Variants in CHKA observed in about 807,000 individuals in gnomAD.
CHKA encodes CHETK-alpha.
CHKA carries 34 observed loss-of-function variants against 60.1 expected under a neutral mutation model. The observed-to-expected ratio is 0.57, with a 90% confidence interval of 0.43 to 0.75. The LOEUF (loss-of-function observed/expected upper bound fraction) is 0.75. CHKA is among the 30% of genes least tolerant of loss of function. CHKA has a pLI of 0.00. For synonymous variants in CHKA, 217 were observed against 223.1 expected, an observed-to-expected ratio of 0.97 and a Z score of 0.24; for missense variants, 563 against 561.3, an observed-to-expected ratio of 1.00 and a Z score of -0.03.
chr11:68,115,262 G>A (rs1858338791), intron 1 of CHKA, among the ~76,000 whole-genome samples: 1 of 152,072 alleles, frequency 6.6e-6, no homozygotes, highest in South Asian at 2.1e-4. Context: ...GGTTTATCAG[G>A]GCATAACCCT....
chr11:68,059,212 A>G (rs1412232988), intron 11 of CHKA, among the ~76,000 whole-genome samples: 1 of 152,100 alleles, frequency 6.6e-6, no homozygotes, highest in Non-Finnish European at 1.5e-5. Context: ...GGTTTTTCAT[A>G]CATGCCTTTA....
chr11:68,076,723 C>A (rs955743542), intron 3 of CHKA, among the ~76,000 whole-genome samples: 1 of 152,134 alleles, frequency 6.6e-6, no homozygotes, highest in Admixed American at 6.5e-5. Context: ...GCATCGTCAA[C>A]ACATGTCACC....
At chr11:68,120,407 AAACT>A (rs929190829) in intron 1 of CHKA, among the ~76,000 whole-genome samples, 12 of 152,206 alleles carry the variant, frequency 7.9e-5, no homozygotes, top group African/African-American at 2.9e-4. Flanking sequence ...CGAACTCGAA[AAACT>A]AACAGAAAAA....
At chr11:68,111,360 C>T (rs1259286504) in intron 1 of CHKA, among the ~76,000 whole-genome samples, 2 of 150,844 alleles carry the variant, frequency 1.3e-5, no homozygotes, top group South Asian at 2.1e-4. Context: ...TGCAGTGAGC[C>T]GAGATCGTGC....
chr11:68,060,593 G>T (rs1856199457), intron 11 of CHKA, among the ~76,000 whole-genome samples: 1 of 152,224 alleles, frequency 6.6e-6, no homozygotes. Context: ...TTACAGGCGT[G>T]AGCCACTGCA....
Position 68,053,657 on chromosome 11 carries a change from GC to G in CHKA, c.*330del, listed in dbSNP as rs1161583946. The G allele has an allele frequency of 2.5e-5, 7 of 285,000 alleles. No individual in the cohort carries two copies. Among genetic ancestry groups the G allele is most frequent in the African/African-American group, 4.4e-5 (2 of 45,584 alleles). 17.7% of individuals were successfully genotyped at this position (285,000 alleles called of 1,614,324 possible). A position where few individuals can be genotyped will look rare whatever the true frequency, so the allele number is the denominator to read the frequency against. ...AACCAAAGTACCTGCAAGTAACACT[GC>G]TTACTCTTGCTGTTTGCCTCATCTG... On this transcript the variant is annotated 3_prime_UTR_variant, in exon 12 of 12. Transcript: ENST00000265689.
intron 3 of CHKA, among the ~76,000 whole-genome samples, chr11:68,076,208 T>C (rs1184796972): frequency 1.3e-5 from 2 of 152,200 alleles, no homozygotes; most frequent in African/African-American, 4.8e-5. Context: ...AGGCTCAATC[T>C]TTCCTAATTT....
At chr11:68,093,345 C>T (rs1053349172) in intron 2 of CHKA, among the ~76,000 whole-genome samples, 1 of 152,126 alleles carries the variant, frequency 6.6e-6, no homozygotes, top group South Asian at 2.1e-4. Context: ...TGGTTTCTAC[C>T]TTACATCAGT....
In CHKA at chr11:68,120,830, G is replaced by A. The variant is rs1236196276; in HGVS notation, c.348C>T (p.Ile116=). 4 of 1,289,638 alleles carry A rather than the reference G, an allele frequency of 3.1e-6. No homozygotes were observed. The highest frequency in any genetic ancestry group is 4.2e-5 in the East Asian group (1 of 23,828). The allele number at this position is 1,289,638 out of a possible 1,614,324, so 79.9% of individuals were successfully genotyped here. A position where few individuals can be genotyped will look rare whatever the true frequency, so the allele number is the denominator to read the frequency against. Residue 116 remains isoleucine, a splice_region_variant and synonymous_variant, in exon 1 of 12, where the codon ATC becomes ATT. Coordinates refer to ENST00000265689, the MANE Select transcript of CHKA (RefSeq NM_001277.3). ...CCCCCAGACCCGGCGCCACCGACCT[G>A]ATGACACTGATGTGGAACTCGTCCT... is the stretch of plus-strand genomic sequence containing the variant. ...LREDEFHISV[I]RGGLSNMLFQ... is the part of the protein sequence containing the mutation.
At chr11:68,069,367 A>C (rs1397451248) in intron 6 of CHKA, among the ~76,000 whole-genome samples, 2 of 152,120 alleles carry the variant, frequency 1.3e-5, no homozygotes, top group African/African-American at 4.8e-5. Flanking sequence ...CTAGCAGAGG[A>C]GGCACAAACC....
At chr11:68,091,139 T>G (rs1251070785) in intron 2 of CHKA, among the ~76,000 whole-genome samples, 1 of 152,224 alleles carries the variant, frequency 6.6e-6, no homozygotes, top group Non-Finnish European at 1.5e-5. Flanking sequence ...ATAGCTAATT[T>G]TATACATTTA....
chr11:68,076,770 C>A (rs546695059), intron 3 of CHKA, among the ~76,000 whole-genome samples: 1 of 152,038 alleles, frequency 6.6e-6, no homozygotes, highest in African/African-American at 2.4e-5. Flanking sequence ...CTGAGTCAAC[C>A]CAGAAAGGAC....
intron 1 of CHKA, 116 bp from the exon 2 acceptor site, chr11:68,097,246 G>C (rs942508744): frequency 6.4e-6 from 4 of 620,172 alleles, no homozygotes; most frequent in Non-Finnish European, 1.1e-5. Flanking sequence ...ATCTTATCTC[G>C]ATTTATTCTC....
chr11:68,063,918 A>C (rs1856343563), intron 10 of CHKA, among the ~76,000 whole-genome samples: 1 of 152,196 alleles, frequency 6.6e-6, no homozygotes, highest in South Asian at 2.1e-4. Flanking sequence ...GCCATGCAGA[A>C]CTGTGAGTCA....
At chr11:68,067,601 C>A (rs1835899643) in intron 7 of CHKA, among the ~76,000 whole-genome samples, 2 of 152,088 alleles carry the variant, frequency 1.3e-5, no homozygotes, top group South Asian at 4.1e-4. Flanking sequence ...AAAAAAAAGG[C>A]AAATTGGAGG....
chr11:68,086,750 G>A (rs980754802), intron 2 of CHKA, among the ~76,000 whole-genome samples: 3 of 152,244 alleles, frequency 2.0e-5, no homozygotes, highest in East Asian at 1.9e-4. Flanking sequence ...CACTTTGGGA[G>A]GCCAAGATGG....
intron 5 of CHKA, among the ~76,000 whole-genome samples, 197 bp downstream of exon 5, chr11:68,070,527 C>A (rs1227402802): frequency 1.3e-5 from 2 of 152,122 alleles, no homozygotes; most frequent in Non-Finnish European, 2.9e-5. Flanking sequence ...TTTGCATAAG[C>A]CTTCTTTCCT....
chr11:68,102,372 A>G (rs1046967871), intron 1 of CHKA, among the ~76,000 whole-genome samples: 2 of 152,210 alleles, frequency 1.3e-5, no homozygotes, highest in African/African-American at 4.8e-5. Flanking sequence ...AGAGACCAAT[A>G]TAACAGAATA....
At chr11:68,089,617 C>CA (rs895051011) in intron 2 of CHKA, among the ~76,000 whole-genome samples, 9 of 151,614 alleles carry the variant, frequency 5.9e-5, no homozygotes, top group Non-Finnish European at 1.2e-4. Context: ...TTGCTTTGGA[C>CA]AAAAAAAATA....
Sources: gnomAD v4.1 joint callset for allele counts (sites outside exome capture counted in the v4.1 genomes callset) on GRCh38, gnomAD v4.1.1 for gene constraint, MANE v1.5 for transcripts, NCBI Gene and HGNC (gene_info 2026-07-23, HGNC 2026-07-21) for gene names.